The following UNKL variants were observed in gnomAD, a reference collection of about 807,000 sequenced individuals.
UNKL encodes unk like zinc finger, also known as putative E3 ubiquitin-protein ligase UNKL.
UNKL carries 60 observed loss-of-function variants against 78.0 expected under a neutral mutation model. The observed-to-expected ratio is 0.77, with a 90% CI of 0.63 to 0.95. The LOEUF (loss-of-function observed/expected upper bound fraction) is 0.95, where lower values mean the gene tolerates loss of function less well. Ranked by LOEUF, UNKL falls within the 40% of genes least tolerant of loss-of-function variation. The pLI, the probability that UNKL is intolerant of heterozygous loss-of-function variation, is 0.00. For synonymous variants in UNKL, 608 were observed against 474.8 expected, an observed-to-expected ratio of 1.28 and a Z score of -3.65; for missense variants, 1,159 against 1,045.7, an observed-to-expected ratio of 1.11 and a Z score of -1.49.
chr16:1,383,133 G>C (rs958952344), intron 10 of UNKL, among the ~76,000 whole-genome samples: 23 of 149,924 alleles, frequency 1.5e-4, no homozygotes, highest in Non-Finnish European at 8.9e-5. Context: ...TTAGCCGGGC[G>C]TAGTGGCAGG....
intron 9 of UNKL, among the ~76,000 whole-genome samples, chr16:1,388,857 T>A (rs1315322392): frequency 6.6e-6 from 1 of 151,882 alleles, no homozygotes; most frequent in African/African-American, 2.4e-5. Context: ...CACCCCAAGC[T>A]ACCACCAGCA....
At chr16:1,378,275 C>T (rs2036377438) in intron 10 of UNKL, among the ~76,000 whole-genome samples, 1 of 152,220 alleles carries the variant, frequency 6.6e-6, no homozygotes, top group South Asian at 2.1e-4. Flanking sequence ...TGCTCCCATA[C>T]GGGGGCTTGA....
At chr16:1,407,148 C>CA (rs201246886) in intron 2 of UNKL, 1,994 of 108,064 alleles carry the variant, frequency 0.018, 57 homozygotes, top group African/African-American at 0.063. Flanking sequence ...GACTCGATCT[C>CA]AAAAAAAAGA....
chr16:1,376,245 TG>T (rs1403283559), intron 10 of UNKL, among the ~76,000 whole-genome samples: 1 of 144,344 alleles, frequency 6.9e-6, no homozygotes, highest in East Asian at 2.1e-4. Context: ...CCTCCAGGGC[TG>T]GGGCGCTCCT....
Position 1,363,271 on chromosome 16 carries a change from G to C in UNKL, c.*2969C>G. 1 of 650,184 alleles carries C rather than the reference G, an allele frequency of 1.5e-6. No homozygotes were observed. Among genetic ancestry groups the C allele is most frequent in the Non-Finnish European group, 2.7e-6 (1 of 363,738 alleles). The allele number at this position is 650,184 out of a possible 1,614,324, so 40.3% of individuals were successfully genotyped here. ...AACTCCATGAATTCTGTAAACCATT[G>C]CATAAATGCTATAGTGTAAAAAAAT... On this transcript the variant is annotated 3_prime_UTR_variant, in exon 15 of 15. Transcript: ENST00000389221.
At chr16:1,375,148 A>C (rs1182448271) in intron 10 of UNKL, among the ~76,000 whole-genome samples, 2 of 152,122 alleles carry the variant, frequency 1.3e-5, no homozygotes, top group Non-Finnish European at 1.5e-5. Flanking sequence ...GGGCAGCCGG[A>C]GTATCCTCGT....
intron 12 of UNKL, chr16:1,369,890 G>A (rs2035647342): frequency 1.3e-6 from 2 of 1,497,228 alleles, no homozygotes; most frequent in Non-Finnish European, 1.8e-6. Context: ...CAGGAGAATT[G>A]CTTGAACCTG....
At position 1,375,127 on chromosome 16, in the gene UNKL, C is replaced by T. The variant is rs1022197657; in HGVS notation, c.1265-3516G>A. 3.3e-5 allele frequency among the ~76,000 whole-genome samples: 5 copies of T among 152,200 alleles called. 1 individual carries two copies. The highest frequency in any genetic ancestry group is 2.0e-4 in the Admixed American group (3 of 15,290). On this transcript the variant is annotated intron_variant, in intron 10 of 14. Coordinates refer to ENST00000389221, the MANE Select transcript of UNKL (RefSeq NM_001372107.1). ...CCTGGCGCTCGGCGGTCACACCCCC[C>T]GAGCCCCCCAGGGCAGCCGGAGTAT...
At chr16:1,371,367 C>A (rs1285970506) in intron 11 of UNKL, among the ~76,000 whole-genome samples, 152 bp downstream of exon 11, 1 of 152,126 alleles carries the variant, frequency 6.6e-6, no homozygotes, top group Non-Finnish European at 1.5e-5. Flanking sequence ...AACCAGACAC[C>A]GGGTCTTGCC....
rs1461875908 is a variant in UNKL, at chr16:1,367,750, G to A, written c.1694C>T (p.Pro565Leu). 2 of 1,576,310 alleles carry A rather than the reference G, an allele frequency of 1.3e-6. No homozygotes were observed. Among genetic ancestry groups the A allele is most frequent in the Non-Finnish European group, 1.7e-6 (2 of 1,161,756 alleles). The change falls in exon 13 of 15, where the codon CCA (proline) becomes CTA (leucine). Residue 565 changes from proline to leucine, a missense_variant. Pro to Leu is a moderately conservative substitution (Grantham distance 98). Transcript: ENST00000389221. ...AGPPSSSSAS[P>L]NGAELARVRR... ...GACCCGGGCCAGCTCAGCTCCGTTT[G>A]GACTTGCACTCGAAGAGGATGGGGG...
In UNKL at chr16:1,367,182, C is replaced by G. The variant is rs1260135920; in HGVS notation, c.1956G>C (p.Leu652=). The part of the protein sequence containing the change: ...GLGVASTLPG[L]RGCGDIGTIP... ...TGGTGCCGATGTCCCCACAGCCCCG[C>G]AGCCCCGGCAGTGTGGAGGCTACGC... The change falls in exon 14 of 15, where the codon CTG becomes CTC. Residue 652 remains leucine (L), a synonymous_variant. Transcript: ENST00000389221. The G allele has an allele frequency of 1.2e-6, 2 of 1,606,014 alleles. No individual in the cohort carries two copies. The highest frequency in any genetic ancestry group is 1.1e-5 in the South Asian group (1 of 89,734).
At position 1,369,244 on chromosome 16, in the gene UNKL, A is replaced by G. The variant is rs189817363; in HGVS notation, c.1585+886T>C. 2.8e-5 allele frequency among the ~76,000 whole-genome samples: 4 copies of G among 142,912 alleles called. No homozygotes were observed. The East Asian group carries it at 6.4e-4, about 23-fold the overall frequency. 93.8% of individuals were successfully genotyped at this position (142,912 alleles called of 152,430 possible). The stretch of plus-strand genomic sequence containing the variant: ...GCCACCACGCCCGCCTAATTTTTGT[A>G]TTTTTAGTAGAGACGGGGTTTCACC... On this transcript the variant is annotated intron_variant, in intron 12 of 14. Coordinates refer to ENST00000389221, the MANE Select transcript of UNKL (RefSeq NM_001372107.1).
At chr16:1,410,033 C>T (rs1181756363) in intron 2 of UNKL, among the ~76,000 whole-genome samples, 2 of 151,982 alleles carry the variant, frequency 1.3e-5, no homozygotes, top group Non-Finnish European at 2.9e-5. Context: ...GAGCCCAGAT[C>T]GCACCACTTC....
In UNKL at chr16:1,385,328, C is replaced by G. The variant is rs896966209; in HGVS notation, c.1144G>C (p.Val382Leu). Residue 382 changes from valine (V) to leucine (L), a missense_variant, in exon 10 of 15, where the codon GTG becomes CTG. Physicochemically the swap from Val to Leu is conservative, Grantham distance 32. Transcript: ENST00000389221. ...GCGCTGGACGCCAGGCTGGACGCCA[C>G]GCTGGAGCTCACGCTGGGGGCCGGC... ...HPPAPSVSSS[V>L]ASSLASSAGS... 3.5e-6 allele frequency: 5 copies of G among 1,426,970 alleles called. No individual in the cohort carries two copies. Among genetic ancestry groups the G allele is most frequent in the Non-Finnish European group, 4.6e-6 (5 of 1,094,608 alleles). 88.4% of individuals were successfully genotyped at this position (1,426,970 alleles called of 1,614,324 possible).
At chr16:1,413,544 A>G (rs1010477486) in intron 2 of UNKL, among the ~76,000 whole-genome samples, 2 of 152,214 alleles carry the variant, frequency 1.3e-5, no homozygotes, top group African/African-American at 4.8e-5. Context: ...CTCCAGCCAG[A>G]GCAACAAGAG....
At position 1,364,355 on chromosome 16, in the gene UNKL, A is replaced by G. The variant is rs1219476729; in HGVS notation, c.*1885T>C. 1 of 152,218 alleles carries G rather than the reference A, an allele frequency of 6.6e-6. No homozygotes were observed. Among genetic ancestry groups the G allele is most frequent in the African/African-American group, 2.4e-5 (1 of 41,460 alleles). 9.4% of individuals were successfully genotyped at this position (152,218 alleles called of 1,614,324 possible). On this transcript the variant is annotated 3_prime_UTR_variant, in exon 15 of 15. Transcript: ENST00000389221. The stretch of plus-strand genomic sequence containing the variant: ...ACATTCTAATTTGGTCACTGATGAT[A>G]AAGATTTTTACCTAGACGTTTTGCA...
intron 10 of UNKL, chr16:1,378,856 G>A (rs894459036): frequency 2.0e-5 from 3 of 152,324 alleles, no homozygotes; most frequent in Non-Finnish European, 2.9e-5. Context: ...CAAGGGGGGA[G>A]ACGGCTGCTG....
chr16:1,409,065 C>T lies in UNKL; in HGVS notation c.287+4781G>A, dbSNP rs1367789462. The stretch of plus-strand genomic sequence containing the variant: ...CCAAGTAGCTGGGACTACAGGTGCC[C>T]GCCACCATGCCCAGCTAATTTTTCT... On this transcript the variant is annotated intron_variant, in intron 2 of 14. Coordinates refer to ENST00000389221, the MANE Select transcript of UNKL (RefSeq NM_001372107.1). Among the ~76,000 whole-genome samples the T allele has an allele frequency of 4.6e-5, 7 of 152,004 alleles. No individual in the cohort carries two copies. In the South Asian group the frequency reaches 1.0e-3, roughly 23 times the overall value.
chr16:1,375,115 G>A (rs1023863638), intron 10 of UNKL, among the ~76,000 whole-genome samples: 10 of 152,160 alleles, frequency 6.6e-5, no homozygotes, highest in East Asian at 1.9e-4. Context: ...GGCGCTCGGC[G>A]GTCACACCCC....
Sources: allele counts gnomAD v4.1 joint callset (sites outside exome capture counted in the v4.1 genomes callset), GRCh38; gene constraint gnomAD v4.1.1; transcripts MANE v1.5; gene names NCBI Gene and HGNC (gene_info 2026-07-23, HGNC 2026-07-21).